Variants in NKAIN2 observed in about 807,000 individuals in gnomAD.
NKAIN2 encodes sodium/potassium-transporting ATPase subunit beta-1-interacting protein 2.
NKAIN2 carries 14 observed loss-of-function variants against 32.6 expected under a neutral mutation model. The ratio of observed to expected loss-of-function variants is 0.43; its 90% confidence interval spans 0.28 to 0.67. NKAIN2 has a LOEUF of 0.67. Among genes scored for constraint, NKAIN2 ranks in the 30% least tolerant of loss-of-function variants. NKAIN2 has a pLI of 0.17. For synonymous variants in NKAIN2, 80 were observed against 87.2 expected (o/e 0.92, Z 0.46); for missense variants, 198 against 258.3 (o/e 0.77, Z 1.60).
At chr6:123,986,189 A>T (rs971458104) in intron 1 of NKAIN2, among the ~76,000 whole-genome samples, 1 of 152,214 alleles carries the variant, frequency 6.6e-6, no homozygotes, top group Non-Finnish European at 1.5e-5. Flanking sequence ...GTTGAAGTCT[A>T]ATACAACAGA....
At chr6:124,415,361 A>T (rs1774414981) in intron 3 of NKAIN2, among the ~76,000 whole-genome samples, 1 of 152,242 alleles carries the variant, frequency 6.6e-6, no homozygotes, top group South Asian at 2.1e-4. Context: ...ACAACTCATT[A>T]TAAACTATAT....
chr6:123,902,273 A>G (rs908882994), intron 1 of NKAIN2, among the ~76,000 whole-genome samples: 1 of 152,174 alleles, frequency 6.6e-6, no homozygotes, highest in Non-Finnish European at 1.5e-5. Context: ...GATGGATTTG[A>G]TAGTGGAAAT....
chr6:124,011,343 A>G (rs1412325011), intron 1 of NKAIN2, among the ~76,000 whole-genome samples: 1 of 150,268 alleles, frequency 6.7e-6, no homozygotes, highest in East Asian at 1.9e-4. Flanking sequence ...ATCGTCATCC[A>G]TTCTTTTATT....
Position 124,481,513 on chromosome 6 carries a change from G to A in NKAIN2, c.273+126166G>A, listed in dbSNP as rs559228651. The stretch of plus-strand genomic sequence containing the variant: ...ATGTGATTCACTTTAATCTATGACA[G>A]TATTACCATTCTCTGCCTGCTAATA... On this transcript the variant is annotated intron_variant, in intron 3 of 6. Coordinates refer to ENST00000368417, the MANE Select transcript of NKAIN2 (RefSeq NM_001040214.3). 1.2e-4 allele frequency among the ~76,000 whole-genome samples: 19 copies of A among 152,182 alleles called. No individual in the cohort carries two copies. In the South Asian group the frequency reaches 2.5e-3, roughly 20 times the overall value.
chr6:124,130,563 G>A (rs1308049537), intron 1 of NKAIN2, among the ~76,000 whole-genome samples: 1 of 149,854 alleles, frequency 6.7e-6, no homozygotes, highest in Non-Finnish European at 1.5e-5. Flanking sequence ...TTATTTTAAT[G>A]CATTACTATA....
chr6:124,412,481 G>C (rs1029098755), intron 3 of NKAIN2, among the ~76,000 whole-genome samples: 7 of 152,174 alleles, frequency 4.6e-5, no homozygotes, highest in African/African-American at 1.4e-4. Flanking sequence ...GGTGGCTGCA[G>C]AACAGCGGAT....
At chr6:124,072,016 C>T (rs1442384873) in intron 1 of NKAIN2, among the ~76,000 whole-genome samples, 1 of 152,146 alleles carries the variant, frequency 6.6e-6, no homozygotes, top group Non-Finnish European at 1.5e-5. Flanking sequence ...CAAAATGACA[C>T]ATGCACTCCT....
At chr6:123,952,973 G>T (rs1460610764) in intron 1 of NKAIN2, among the ~76,000 whole-genome samples, 1 of 152,068 alleles carries the variant, frequency 6.6e-6, no homozygotes, top group East Asian at 1.9e-4. Context: ...TCCTTACATT[G>T]ATATCTCCAT....
chr6:124,597,667 C>G (rs1354552303), intron 3 of NKAIN2, among the ~76,000 whole-genome samples: 1 of 152,080 alleles, frequency 6.6e-6, no homozygotes, highest in Non-Finnish European at 1.5e-5. Context: ...AACTCTCTAC[C>G]TCTAAGCCAC....
At chr6:124,153,668 C>G (rs1469588377) in intron 1 of NKAIN2, among the ~76,000 whole-genome samples, 1 of 151,408 alleles carries the variant, frequency 6.6e-6, no homozygotes, top group African/African-American at 2.4e-5. Context: ...TAATTTGTTT[C>G]TAGAATATGA....
At chr6:124,325,097 G>T (rs1797359249) in intron 2 of NKAIN2, among the ~76,000 whole-genome samples, 2 of 152,130 alleles carry the variant, frequency 1.3e-5, no homozygotes, top group South Asian at 2.1e-4. Flanking sequence ...CATGAAAAAT[G>T]AAATTAATGA....
At chr6:124,271,433 G>C (rs902431121) in intron 1 of NKAIN2, among the ~76,000 whole-genome samples, 3 of 152,158 alleles carry the variant, frequency 2.0e-5, no homozygotes, top group African/African-American at 7.2e-5. Context: ...AGCCGGGATG[G>C]TCTTGATCTC....
At chr6:124,083,996 C>A (rs912957425) in intron 1 of NKAIN2, among the ~76,000 whole-genome samples, 1 of 151,786 alleles carries the variant, frequency 6.6e-6, no homozygotes, top group African/African-American at 2.4e-5. Context: ...AAACAGGTAC[C>A]AATAAAGCTA....
chr6:124,787,411 ACT>A (rs1272002874), intron 4 of NKAIN2, among the ~76,000 whole-genome samples: 1 of 152,076 alleles, frequency 6.6e-6, no homozygotes, highest in African/African-American at 2.4e-5. Context: ...GCAACTCAGG[ACT>A]CTGTTTTCAA....
chr6:124,564,139 G>A (rs1034754816), intron 3 of NKAIN2, among the ~76,000 whole-genome samples: 1 of 152,148 alleles, frequency 6.6e-6, no homozygotes, highest in Non-Finnish European at 1.5e-5. Flanking sequence ...GACTTCCTGG[G>A]TGGAGTGGGG....
chr6:123,932,595 T>A (rs1394827418), intron 1 of NKAIN2, among the ~76,000 whole-genome samples: 1 of 151,818 alleles, frequency 6.6e-6, no homozygotes, highest in East Asian at 1.9e-4. Flanking sequence ...TTTTTCTATT[T>A]TTTAGTAGAG....
At chr6:123,881,567 C>T (rs1352678) in intron 1 of NKAIN2, among the ~76,000 whole-genome samples, 87,718 of 151,982 alleles carry the variant, frequency 0.58, 25,539 homozygotes, top group East Asian at 0.69. Context: ...GCCAATGGAT[C>T]GCATAGAAAA....
chr6:124,345,368 C>T (rs1427570111), intron 2 of NKAIN2, among the ~76,000 whole-genome samples: 1 of 152,066 alleles, frequency 6.6e-6, no homozygotes, highest in East Asian at 1.9e-4. Flanking sequence ...AGGGAGGATT[C>T]CCTCTTTTTC....
chr6:124,822,712 TAAC>T (rs1025678515), intron 6 of NKAIN2, among the ~76,000 whole-genome samples: 3 of 151,998 alleles, frequency 2.0e-5, no homozygotes, highest in African/African-American at 7.2e-5. Flanking sequence ...AACAAATCAA[TAAC>T]AACAAAGTTG....
Sources: allele counts gnomAD v4.1 joint callset (sites outside exome capture counted in the v4.1 genomes callset), GRCh38; gene constraint gnomAD v4.1.1; transcripts MANE v1.5; gene names NCBI Gene and HGNC (gene_info 2026-07-23, HGNC 2026-07-21).